Variants in REEP1 observed in about 807,000 individuals in gnomAD.
REEP1 encodes receptor expression-enhancing protein 1.
A neutral mutation model predicts 40.3 loss-of-function variants in REEP1; 22 were observed. The observed-to-expected ratio is 0.55, with a 90% confidence interval of 0.39 to 0.78. The LOEUF (loss-of-function observed/expected upper bound fraction) is 0.78, where lower values mean the gene tolerates loss of function less well. Ranked by LOEUF, REEP1 falls within the 30% of genes least tolerant of loss-of-function variation. The pLI, the probability that REEP1 is intolerant of heterozygous loss-of-function variation, is 0.00. For synonymous variants in REEP1, 116 were observed against 139.2 expected (o/e 0.83, Z 1.17); for missense variants, 280 against 361.1 (o/e 0.78, Z 1.82).
intron 5 of REEP1, among the ~76,000 whole-genome samples, chr2:86,250,029 C>T (rs62147564): frequency 4.0e-4 from 61 of 152,288 alleles, no homozygotes; most frequent in African/African-American, 1.4e-3. Context: ...GACTGTCTGG[C>T]GCTTCTTTTA....
chr2:86,296,200 A>C (rs1428824243), intron 1 of REEP1, among the ~76,000 whole-genome samples: 1 of 152,126 alleles, frequency 6.6e-6, no homozygotes, highest in Non-Finnish European at 1.5e-5. Context: ...CCAGTATAGC[A>C]CTCCTCAGTA....
Position 86,216,149 on chromosome 2 carries a change from A to G in REEP1, c.*890T>C, listed in dbSNP as rs1489081030. On this transcript the variant is annotated 3_prime_UTR_variant, in exon 9 of 9. Transcript: ENST00000538924. ...GGAGAAATCGTCCTTTGTCAAGCAC[A>G]GAATTACTCCTTCCAGCAGCTCTAC... The G allele has an allele frequency of 1.3e-5, 2 of 152,250 alleles. No homozygotes were observed. Among genetic ancestry groups the G allele is most frequent in the Admixed American group, 1.3e-4 (2 of 15,286 alleles). 9.4% of individuals were successfully genotyped at this position (152,250 alleles called of 1,614,324 possible).
intron 3 of REEP1, 80 bp downstream of exon 3, chr2:86,263,885 G>A: frequency 1.9e-6 from 2 of 1,041,066 alleles, no homozygotes; most frequent in South Asian, 2.5e-5. Flanking sequence ...TTGAGGCTGG[G>A]TTCAGCCCTT....
intron 3 of REEP1, among the ~76,000 whole-genome samples, chr2:86,255,393 T>G (rs1676502712): frequency 6.6e-6 from 1 of 152,166 alleles, no homozygotes; most frequent in Non-Finnish European, 1.5e-5. Flanking sequence ...CCTACTCAAG[T>G]CAATGGCAGG....
chr2:86,245,799 C>T (rs2104169814), intron 5 of REEP1, among the ~76,000 whole-genome samples: 1 of 150,062 alleles, frequency 6.7e-6, no homozygotes, highest in South Asian at 2.1e-4. Context: ...GAGTCTCACT[C>T]CGTCTCCCAG....
chr2:86,291,495 C>A (rs552716189), intron 1 of REEP1, among the ~76,000 whole-genome samples: 3 of 152,154 alleles, frequency 2.0e-5, no homozygotes, highest in Non-Finnish European at 4.4e-5. Context: ...TGGCTTCAGA[C>A]CCTGCTCCTC....
At position 86,337,433 on chromosome 2, in the gene REEP1, G is replaced by T; in HGVS notation, c.32+46C>A. 6 of 1,199,338 alleles carry T rather than the reference G, an allele frequency of 5.0e-6. No homozygotes were observed. The highest frequency in any genetic ancestry group is 6.3e-6 in the Non-Finnish European group (6 of 955,022). The allele number at this position is 1,199,338 out of a possible 1,614,324, so 74.3% of individuals were successfully genotyped here. A position where few individuals can be genotyped will look rare whatever the true frequency, so the allele number is the denominator to read the frequency against. ...GGGCGCGCGCAGCCCGGGGCCGGGG[G>T]CGGGGAGGGAGGGGACGGAGGGGCG... On this transcript the variant is annotated intron_variant, in intron 1 of 8. Coordinates refer to ENST00000538924, the MANE Select transcript of REEP1 (RefSeq NM_001371279.1). This position sits in a 1 kb window ranked among gnomAD's most constrained non-coding sequence, Gnocchi z 5.8.
intron 2 of REEP1, among the ~76,000 whole-genome samples, chr2:86,277,433 G>A (rs757987726): frequency 6.6e-6 from 1 of 151,946 alleles, no homozygotes; most frequent in East Asian, 1.9e-4. Context: ...CTGCATGCCT[G>A]TAATTCCTGC....
chr2:86,282,147 C>T (rs370985984), intron 2 of REEP1, 23 bp downstream of exon 2: 392 of 1,567,132 alleles, frequency 2.5e-4, no homozygotes, highest in Non-Finnish European at 3.1e-4. Flanking sequence ...CCAACCCGCT[C>T]GAAAATACAC....
chr2:86,306,780 C>T (rs968287876), intron 1 of REEP1, among the ~76,000 whole-genome samples: 9 of 152,098 alleles, frequency 5.9e-5, no homozygotes, highest in African/African-American at 2.2e-4. Context: ...TTACAGGCCT[C>T]ACACTGCTGG....
intron 1 of REEP1, among the ~76,000 whole-genome samples, chr2:86,336,032 C>T (rs751038124): frequency 6.6e-6 from 1 of 152,076 alleles, no homozygotes; most frequent in Non-Finnish European, 1.5e-5. Flanking sequence ...TCTCCAGCCC[C>T]ACCCTGAGGG....
chr2:86,328,739 AC>A (rs1319186332), intron 1 of REEP1, among the ~76,000 whole-genome samples: 2 of 152,182 alleles, frequency 1.3e-5, no homozygotes, highest in African/African-American at 4.8e-5. Context: ...GGGACTTGTG[AC>A]AGGGGTGTGG....
intron 6 of REEP1, among the ~76,000 whole-genome samples, chr2:86,232,342 A>G (rs1356366115): frequency 6.6e-6 from 1 of 152,198 alleles, no homozygotes; most frequent in Non-Finnish European, 1.5e-5. Flanking sequence ...CCTAGACACT[A>G]GCCCCCAACT....
intron 6 of REEP1, among the ~76,000 whole-genome samples, chr2:86,228,564 T>A (rs1674847739): frequency 6.6e-6 from 1 of 151,992 alleles, no homozygotes; most frequent in Non-Finnish European, 1.5e-5. Context: ...GTTCAAGCAA[T>A]TCTCCAGCCT....
chr2:86,302,227 T>A (rs1679284821), intron 1 of REEP1, among the ~76,000 whole-genome samples: 1 of 152,230 alleles, frequency 6.6e-6, no homozygotes, highest in South Asian at 2.1e-4. Flanking sequence ...ACACGGGCCC[T>A]TGTCACTGAG....
At chr2:86,227,244 A>AC (rs1213733587) in intron 7 of REEP1, 119 bp downstream of exon 7, 4 of 754,466 alleles carry the variant, frequency 5.3e-6, no homozygotes, top group African/African-American at 1.8e-5. Flanking sequence ...TAACCTCCTG[A>AC]CCCCTCCCTA....
Position 86,331,598 on chromosome 2 carries a change from C to G in REEP1, c.32+5881G>C, listed in dbSNP as rs1680766522. ...AAGAGGAAAGAGAAGCAGGGCAAGA[C>G]AGCCTCTAGGCTGGACAGCTACCTA... On this transcript the variant is annotated intron_variant, in intron 1 of 8. Coordinates refer to ENST00000538924, the MANE Select transcript of REEP1 (RefSeq NM_001371279.1). Among the ~76,000 whole-genome samples, 5 of 152,064 alleles carry G rather than the reference C, an allele frequency of 3.3e-5. No homozygotes were observed. In the South Asian group the frequency reaches 1.0e-3, roughly 32 times the overall value.
At chr2:86,313,435 G>A (rs1382630632) in intron 1 of REEP1, among the ~76,000 whole-genome samples, 2 of 151,790 alleles carry the variant, frequency 1.3e-5, no homozygotes, top group South Asian at 2.1e-4. Context: ...CAGCTTCTCT[G>A]GATTCCATCT....
At chr2:86,308,735 C>T (rs1679619413) in intron 1 of REEP1, among the ~76,000 whole-genome samples, 1 of 152,218 alleles carries the variant, frequency 6.6e-6, no homozygotes, top group Non-Finnish European at 1.5e-5. Flanking sequence ...CTCTGCTCTT[C>T]TGTTCCTCAC....
Sources: gnomAD v4.1 joint callset for allele counts (sites outside exome capture counted in the v4.1 genomes callset) on GRCh38, gnomAD v4.1.1 for gene constraint, Gnocchi (gnomAD v3.1) non-coding constraint, MANE v1.5 for transcripts, NCBI Gene and HGNC (gene_info 2026-07-23, HGNC 2026-07-21) for gene names.